RGS9: variants seen among roughly 807,000 people sequenced by gnomAD.
RGS9 encodes the protein regulator of G-protein signalling 9.
RGS9 carries 78 observed loss-of-function variants against 102.0 expected under a neutral mutation model. The ratio of observed to expected loss-of-function variants is 0.76; its 90% CI spans 0.64 to 0.92. RGS9 has a LOEUF of 0.92. Ranked by LOEUF, RGS9 falls within the 40% of genes least tolerant of loss-of-function variation. RGS9 has a pLI of 0.00. For synonymous variants in RGS9, 353 were observed against 318.6 expected, an observed-to-expected ratio of 1.11 and a Z score of -1.15; for missense variants, 833 against 866.1, an observed-to-expected ratio of 0.96 and a Z score of 0.48.
rs1394289724 is a variant in RGS9, at chr17:65,210,491, C to T, written c.1293C>T (p.Ser431=). The change falls in exon 17 of 19, where the codon TCC becomes TCT. Residue 431 remains serine, a synonymous_variant. Transcript: ENST00000262406. ...IEPQETTKKS[S]TLPFMRRHLR... ...ACCAATCTGTCCTTCCTTCCAGCTCCACCCTCCCTTTTATGCGGCGTCACC... is the reference window on the plus strand; with the variant it reads ...ACCAATCTGTCCTTCCTTCCAGCTCTACCCTCCCTTTTATGCGGCGTCACC... 4 of 1,613,126 alleles carry T rather than the reference C, an allele frequency of 2.5e-6. No homozygotes were observed. The highest frequency in any genetic ancestry group is 1.3e-5 in the African/African-American group (1 of 74,894).
At chr17:65,177,609 T>C (rs1911694320) in intron 8 of RGS9, 123 bp from the exon 9 acceptor site, 1 of 996,142 alleles carries the variant, frequency 1.0e-6, no homozygotes, top group East Asian at 2.4e-5. Flanking sequence ...AAGCTTCCCA[T>C]GGGCTAGGCC....
chr17:65,159,364 A>G (rs761836135), intron 3 of RGS9, among the ~76,000 whole-genome samples: 17 of 152,184 alleles, frequency 1.1e-4, no homozygotes, highest in Non-Finnish European at 1.6e-4. Context: ...GCAATTTAGA[A>G]AATGGATTGG....
At chr17:65,177,682 A>G (rs568504661) in intron 8 of RGS9, 50 bp from the exon 9 acceptor site, 1 of 1,549,262 alleles carries the variant, frequency 6.5e-7, no homozygotes, top group East Asian at 2.2e-5. Flanking sequence ...GTTAACCAGA[A>G]ACTGGAGACT....
At chr17:65,223,299 C>A (rs1242023003) in intron 17 of RGS9, among the ~76,000 whole-genome samples, 4 of 152,220 alleles carry the variant, frequency 2.6e-5, no homozygotes, top group Admixed American at 2.0e-4. Flanking sequence ...CTGGCTTTTG[C>A]TCTGCCACCC....
chr17:65,205,136 A>T (rs1411056405), intron 15 of RGS9, among the ~76,000 whole-genome samples: 1 of 152,218 alleles, frequency 6.6e-6, no homozygotes, highest in Non-Finnish European at 1.5e-5. Flanking sequence ...AGGGTACCTG[A>T]GAGAAAAATC....
In RGS9 at chr17:65,177,950, C is replaced by T. The variant is rs925280365; in HGVS notation, c.654+147C>T. On this transcript the variant is annotated intron_variant, in intron 9 of 18. Coordinates refer to ENST00000262406, the MANE Select transcript of RGS9 (RefSeq NM_003835.4). ...AGGAGGACCGTGGGCTCTGTGGACT[C>T]AGGGTTAGGGGAGAAGTGGGACCAT... The T allele has an allele frequency of 6.8e-6, 5 of 733,630 alleles. No homozygotes were observed. The African/African-American group carries it at 8.7e-5, about 13-fold the overall frequency. 45.4% of individuals were successfully genotyped at this position (733,630 alleles called of 1,614,324 possible).
chr17:65,170,123 C>T (rs547173558), intron 8 of RGS9, among the ~76,000 whole-genome samples: 7 of 145,068 alleles, frequency 4.8e-5, no homozygotes, highest in South Asian at 4.3e-4. Flanking sequence ...GGCACGATTT[C>T]GGCTCACTGC....
intron 1 of RGS9, among the ~76,000 whole-genome samples, chr17:65,146,338 C>T (rs1203907630): frequency 6.6e-6 from 1 of 152,134 alleles, no homozygotes; most frequent in African/African-American, 2.4e-5. Flanking sequence ...GCCTGTAATC[C>T]CAGCACTTTG....
rs759931817 is a variant in RGS9, at chr17:65,225,467, A to G, written c.1873A>G (p.Lys625Glu). 3 of 1,603,814 alleles carry G rather than the reference A, an allele frequency of 1.9e-6. No homozygotes were observed. Among genetic ancestry groups the G allele is most frequent in the Admixed American group, 1.7e-5 (1 of 60,030 alleles). Residue 625 changes from lysine (K) to glutamate (E), a missense_variant, in exon 18 of 19, where the codon AAA (lysine) becomes GAA (glutamate). Lys to Glu is a moderately conservative substitution (Grantham distance 56, BLOSUM62 1). Transcript: ENST00000262406. ...GDVGQQLPRL[K>E]SKRVANFFQI... is the part of the protein sequence containing the mutation. ...CGTGGGCCAGCAGCTGCCACGATTGAAATCCAAGAGAGTAGCAAAGTAAGA... is the reference window on the plus strand; with the variant it reads ...CGTGGGCCAGCAGCTGCCACGATTGGAATCCAAGAGAGTAGCAAAGTAAGA...
intron 2 of RGS9, among the ~76,000 whole-genome samples, chr17:65,156,707 G>A (rs943899832): frequency 1.3e-5 from 2 of 152,160 alleles, no homozygotes; most frequent in Non-Finnish European, 2.9e-5. Flanking sequence ...AAAGCCCTCG[G>A]CTCCTCGGTG....
At position 65,145,648 on chromosome 17, in the gene RGS9, G is replaced by A. The variant is rs890422903; in HGVS notation, c.58-7774G>A. On this transcript the variant is annotated intron_variant, in intron 1 of 18. Transcript: ENST00000262406. ...GACCTTGAGTGATCTGCCCATCTCA[G>A]CCTCCCAAATTGCTGGGATTACAGG... Among the ~76,000 whole-genome samples the A allele has an allele frequency of 2.6e-5, 4 of 151,922 alleles. No homozygotes were observed. In the South Asian group the frequency reaches 6.3e-4, roughly 24 times the overall value.
intron 14 of RGS9, among the ~76,000 whole-genome samples, chr17:65,203,288 G>T (rs913774923): frequency 6.6e-6 from 1 of 152,152 alleles, no homozygotes; most frequent in South Asian, 2.1e-4. Context: ...TGCGGGTGGG[G>T]TGCAGTGGGG....
intron 2 of RGS9, 98 bp from the exon 3 acceptor site, chr17:65,158,197 C>A: frequency 9.0e-7 from 1 of 1,114,328 alleles, no homozygotes; most frequent in Non-Finnish European, 1.4e-6. Context: ...AATGAAATCG[C>A]AGCTGAACGG....
chr17:65,219,463 G>A (rs909330694), intron 17 of RGS9, among the ~76,000 whole-genome samples: 4 of 152,162 alleles, frequency 2.6e-5, no homozygotes, highest in Admixed American at 6.5e-5. Context: ...CAATATTAAC[G>A]ATATATTTAA....
intron 15 of RGS9, among the ~76,000 whole-genome samples, chr17:65,205,721 GCTAT>G (rs1913034847): frequency 6.6e-6 from 1 of 151,538 alleles, no homozygotes; most frequent in Non-Finnish European, 1.5e-5. Context: ...TGTGTTATAG[GCTAT>G]CTGATGTAGG....
At chr17:65,201,633 T>TG (rs1227493197) in intron 13 of RGS9, among the ~76,000 whole-genome samples, 2 of 152,190 alleles carry the variant, frequency 1.3e-5, no homozygotes, top group African/African-American at 2.4e-5. Context: ...CGACAACCTC[T>TG]GGGGGGTGAT....
chr17:65,215,761 A>G (rs1160274021), intron 17 of RGS9, among the ~76,000 whole-genome samples: 1 of 151,932 alleles, frequency 6.6e-6, no homozygotes, highest in African/African-American at 2.4e-5. Context: ...GGGTTTCACC[A>G]TGTTGGCCAG....
intron 13 of RGS9, among the ~76,000 whole-genome samples, chr17:65,201,131 A>T (rs985214435): frequency 3.3e-5 from 5 of 151,004 alleles, no homozygotes; most frequent in African/African-American, 1.2e-4. Flanking sequence ...ACACACACAC[A>T]CTTGCTCTCT....
intron 6 of RGS9, among the ~76,000 whole-genome samples, chr17:65,161,899 G>C (rs558761207): frequency 6.7e-6 from 1 of 149,960 alleles, no homozygotes; most frequent in Admixed American, 6.6e-5. Flanking sequence ...TGTAGAGACA[G>C]GAGGCCCAGG....
Sources: gnomAD v4.1 joint callset for allele counts (sites outside exome capture counted in the v4.1 genomes callset) on GRCh38, gnomAD v4.1.1 for gene constraint, MANE v1.5 for transcripts, NCBI Gene and HGNC (gene_info 2026-07-23, HGNC 2026-07-21) for gene names.